The following MNAT1 variants were observed in gnomAD, a reference collection of about 807,000 sequenced individuals.
The protein encoded by MNAT1 is MNAT1 component of CDK activating kinase.
Under a neutral mutation model 42.0 loss-of-function variants are expected in MNAT1, and 43 were observed. The observed-to-expected ratio is 1.02, with a 90% CI of 0.80 to 1.32. The LOEUF (loss-of-function observed/expected upper bound fraction) is 1.32. Ranked by LOEUF, MNAT1 falls within the 40% of genes most tolerant of loss-of-function variation. MNAT1 has a pLI of 0.00. For missense variants in MNAT1, 306 were observed against 350.4 expected, an observed-to-expected ratio of 0.87 and a Z score of 1.01; for synonymous variants, 118 against 120.0, an observed-to-expected ratio of 0.98 and a Z score of 0.11.
chr14:60,838,593 G>A (rs1381358357), intron 6 of MNAT1, among the ~76,000 whole-genome samples: 2 of 152,218 alleles, frequency 1.3e-5, no homozygotes, highest in Non-Finnish European at 2.9e-5. Context: ...CAGCTGCAGT[G>A]GGGAAGGTAT....
intron 3 of MNAT1, chr14:60,799,489 T>C: frequency 2.5e-6 from 2 of 802,152 alleles, no homozygotes; most frequent in Non-Finnish European, 3.0e-6. Flanking sequence ...CTAAAGGTAA[T>C]GTGATTAGTC....
intron 3 of MNAT1, among the ~76,000 whole-genome samples, chr14:60,800,893 T>G (rs1025463257): frequency 6.6e-6 from 1 of 152,184 alleles, no homozygotes; most frequent in African/African-American, 2.4e-5. Flanking sequence ...TTTTAAATTA[T>G]GTTATGTGAA....
At chr14:60,872,835 T>TACACACAC (rs200338598) in intron 6 of MNAT1, among the ~76,000 whole-genome samples, 49 of 146,950 alleles carry the variant, frequency 3.3e-4, no homozygotes, top group Admixed American at 1.0e-3. Flanking sequence ...CACACACACA[T>TACACACAC]ACACACACAC....
chr14:60,892,419 T>C (rs964518282), intron 7 of MNAT1, among the ~76,000 whole-genome samples: 1 of 152,184 alleles, frequency 6.6e-6, no homozygotes, highest in African/African-American at 2.4e-5. Flanking sequence ...TGTTCTGTTT[T>C]TGTTACTATT....
intron 6 of MNAT1, among the ~76,000 whole-genome samples, chr14:60,830,350 A>G (rs1485171484): frequency 2.6e-5 from 4 of 152,216 alleles, no homozygotes; most frequent in African/African-American, 2.4e-5. Flanking sequence ...AAATTCAGAT[A>G]CATAGATTCA....
intron 1 of MNAT1, among the ~76,000 whole-genome samples, chr14:60,753,216 A>T (rs150867629): frequency 1.4e-4 from 22 of 152,296 alleles, no homozygotes; most frequent in Admixed American, 1.4e-3. Context: ...TGAGATTGCA[A>T]TCAAGTTTCA....
At chr14:60,885,352 G>A (rs956316600) in intron 7 of MNAT1, among the ~76,000 whole-genome samples, 11 of 151,722 alleles carry the variant, frequency 7.3e-5, no homozygotes, top group Non-Finnish European at 1.5e-5. Context: ...CTATTTTCTA[G>A]ATCTTTTAGG....
intron 7 of MNAT1, among the ~76,000 whole-genome samples, chr14:60,916,605 A>G (rs2035520709): frequency 6.6e-6 from 1 of 152,168 alleles, no homozygotes. Flanking sequence ...CAGTGAGCCA[A>G]GATCACACCA....
At chr14:60,741,502 G>GGT in intron 1 of MNAT1, among the ~76,000 whole-genome samples, 1 of 152,076 alleles carries the variant, frequency 6.6e-6, no homozygotes, top group Non-Finnish European at 1.5e-5. Context: ...TGGGATTACA[G>GGT]GCACGGGCCA....
intron 6 of MNAT1, among the ~76,000 whole-genome samples, chr14:60,846,611 C>G (rs1174973875): frequency 2.6e-5 from 4 of 152,114 alleles, no homozygotes; most frequent in Admixed American, 6.5e-5. Context: ...CATATTCATA[C>G]AATTGGATAC....
chr14:60,744,396 T>C (rs542149837), intron 1 of MNAT1, among the ~76,000 whole-genome samples: 5 of 152,278 alleles, frequency 3.3e-5, no homozygotes, highest in Admixed American at 2.6e-4. Context: ...CCTCCCAAAG[T>C]GCGGGGATTA....
chr14:60,918,597 A>T (rs1185113059), intron 7 of MNAT1, among the ~76,000 whole-genome samples: 2 of 151,506 alleles, frequency 1.3e-5, no homozygotes, highest in Non-Finnish European at 2.9e-5. Flanking sequence ...AAATGTATCA[A>T]CTAAATTATG....
rs1328127933 is a variant in MNAT1, at chr14:60,762,992, C to T, written c.89+28041C>T. On this transcript the variant is annotated intron_variant, in intron 1 of 7. Coordinates refer to ENST00000261245, the MANE Select transcript of MNAT1 (RefSeq NM_002431.4). The stretch of plus-strand genomic sequence containing the variant: ...TATGGACTTTAAAGCCAAAAGGAAC[C>T]TTATAAATCATCTAGTACAACTTCT... Among the ~76,000 whole-genome samples the T allele has an allele frequency of 8.5e-5, 13 of 152,090 alleles. No homozygotes were observed. The South Asian group carries it at 2.5e-3, about 29-fold the overall frequency.
intron 7 of MNAT1, among the ~76,000 whole-genome samples, chr14:60,895,480 CCA>C (rs1382296778): frequency 6.6e-6 from 1 of 152,162 alleles, no homozygotes; most frequent in African/African-American, 2.4e-5. Context: ...CTAATAAGCT[CCA>C]GTTATCCCTT....
intron 7 of MNAT1, among the ~76,000 whole-genome samples, chr14:60,924,195 T>C (rs1385080252): frequency 6.6e-6 from 1 of 152,198 alleles, no homozygotes; most frequent in Non-Finnish European, 1.5e-5. Context: ...TATGGCAGTC[T>C]TTGTAACTGT....
chr14:60,966,511 T>G (rs983924637), intron 7 of MNAT1, among the ~76,000 whole-genome samples: 1 of 151,786 alleles, frequency 6.6e-6, no homozygotes, highest in Non-Finnish European at 1.5e-5. Context: ...TATTAAAACA[T>G]TCATTCATTA....
intron 7 of MNAT1, among the ~76,000 whole-genome samples, chr14:60,961,307 G>A (rs2036588077): frequency 6.6e-6 from 1 of 152,282 alleles, no homozygotes; most frequent in Non-Finnish European, 1.5e-5. Flanking sequence ...CAGTGCCCTT[G>A]AATAAAATCC....
chr14:60,817,622 T>C (rs536242401), intron 5 of MNAT1, among the ~76,000 whole-genome samples: 14 of 152,150 alleles, frequency 9.2e-5, no homozygotes, highest in Admixed American at 1.3e-4. Context: ...TTAAGTCTGT[T>C]AATTAACCAC....
intron 6 of MNAT1, among the ~76,000 whole-genome samples, chr14:60,836,059 T>A (rs1240316217): frequency 6.6e-6 from 1 of 152,186 alleles, no homozygotes; most frequent in Non-Finnish European, 1.5e-5. Context: ...CTCACGAAGT[T>A]CTTGTGCTGT....
Sources: gnomAD v4.1 joint callset for allele counts (sites outside exome capture counted in the v4.1 genomes callset) on GRCh38, gnomAD v4.1.1 for gene constraint, MANE v1.5 for transcripts, NCBI Gene and HGNC (gene_info 2026-07-23, HGNC 2026-07-21) for gene names.